UNC13C: variants seen among roughly 807,000 people sequenced by gnomAD.
The protein encoded by UNC13C is unc-13 homolog C, also known as protein unc-13 homolog C.
A neutral mutation model predicts 245.4 loss-of-function variants in UNC13C; 174 were observed. The observed-to-expected ratio is 0.71, with a 90% confidence interval of 0.63 to 0.80. The LOEUF (loss-of-function observed/expected upper bound fraction) is 0.80, where lower values mean the gene tolerates loss of function less well. Ranked by LOEUF, UNC13C falls within the 30% of genes least tolerant of loss-of-function variation. UNC13C has a pLI of 0.00. For missense variants in UNC13C, 2,829 were observed against 2,602.9 expected (o/e 1.09, Z -1.89); for synonymous variants, 992 against 895.1 (o/e 1.11, Z -1.93).
chr15:54,525,781 T>C, intron 25 of UNC13C, 144 bp downstream of exon 25: 1 of 697,504 alleles, frequency 1.4e-6, no homozygotes, highest in Non-Finnish European at 2.4e-6. Flanking sequence ...CTGAAACATC[T>C]GTTATGACCC....
rs571232887 is a variant in UNC13C, at chr15:54,293,508, C to T, written c.3819-387C>T. ...CTGTGAAGTCCACATTCTCAACACCCATTGCAATAAAATTAGCTTTATTTT... is the reference window on the plus strand; with the variant it reads ...CTGTGAAGTCCACATTCTCAACACCTATTGCAATAAAATTAGCTTTATTTT... On this transcript the variant is annotated intron_variant, in intron 10 of 32. Transcript: ENST00000260323. 3.3e-5 allele frequency among the ~76,000 whole-genome samples: 5 copies of T among 152,046 alleles called. No homozygotes were observed. In the South Asian group the frequency reaches 1.0e-3, roughly 32 times the overall value.
At chr15:54,073,807 A>G (rs1898453504) in intron 2 of UNC13C, among the ~76,000 whole-genome samples, 1 of 152,040 alleles carries the variant, frequency 6.6e-6, no homozygotes, top group Non-Finnish European at 1.5e-5. Context: ...GATTGCCAAA[A>G]TTTTCTCCCA....
chr15:54,059,428 A>G (rs76036430), intron 2 of UNC13C, among the ~76,000 whole-genome samples: 55,652 of 152,060 alleles, frequency 0.37, 12,517 homozygotes, highest in Middle Eastern at 0.52. Context: ...GACCTCTTCA[A>G]GGAGAACTAC....
intron 17 of UNC13C, among the ~76,000 whole-genome samples, chr15:54,388,925 C>T (rs548800719): frequency 1.3e-5 from 2 of 152,182 alleles, no homozygotes; most frequent in Non-Finnish European, 2.9e-5. Context: ...CTCTTTCTCA[C>T]CCATTAGTCA....
At chr15:53,876,036 T>C in the UNC13C span, among the ~76,000 whole-genome samples, 4 of 152,236 alleles carry the variant, frequency 2.6e-5, no homozygotes, top group African/African-American at 9.6e-5. Context: ...TTGTTTGGTT[T>C]TGTTCCCACG....
chr15:54,620,262 AAAACACACACACAGGTAGGGTGTAT>A (rs1287812063), intron 30 of UNC13C, among the ~76,000 whole-genome samples: 1 of 152,158 alleles, frequency 6.6e-6, no homozygotes, highest in African/African-American at 2.4e-5. Context: ...AACTGATTGA[AAAACACACACACAGGTAGGGTGTAT>A]AAATGGAAGA....
the UNC13C span, among the ~76,000 whole-genome samples, chr15:53,944,810 GA>G: frequency 6.6e-6 from 1 of 152,130 alleles, no homozygotes; most frequent in Non-Finnish European, 1.5e-5. Context: ...GGTCAAATGA[GA>G]GTTCTGTTTA....
chr15:53,900,211 T>C, the UNC13C span, among the ~76,000 whole-genome samples: 32,081 of 152,024 alleles, frequency 0.21, 3,582 homozygotes, highest in Non-Finnish European at 0.24. Context: ...TTTTTTAGTA[T>C]TAAAATATAG....
Position 54,333,752 on chromosome 15 carries a change from T to G in UNC13C, c.4495-15T>G. 1.3e-6 allele frequency: 2 copies of G among 1,575,612 alleles called. No individual in the cohort carries two copies. Among genetic ancestry groups the G allele is most frequent in the East Asian group, 4.5e-5 (2 of 44,106 alleles). ...CTGCTGACAACCTTATCCATTTTGT[T>G]TCCTAATTAACCAGGAAAACTTTCC... On this transcript the variant is annotated splice_polypyrimidine_tract_variant and intron_variant, in intron 15 of 32. Transcript: ENST00000260323.
intron 30 of UNC13C, among the ~76,000 whole-genome samples, chr15:54,589,465 A>T (rs1264353574): frequency 6.6e-6 from 1 of 150,690 alleles, no homozygotes; most frequent in Non-Finnish European, 1.5e-5. Flanking sequence ...TGCCCAGTTA[A>T]TTTTTGTATT....
chr15:54,143,740 G>C (rs1013045055), intron 4 of UNC13C, 56 bp downstream of exon 4: 5 of 1,366,472 alleles, frequency 3.7e-6, no homozygotes, highest in Non-Finnish European at 5.2e-6. Context: ...ACTTGGCTGT[G>C]TTCTCAACAT....
intron 19 of UNC13C, among the ~76,000 whole-genome samples, chr15:54,435,599 G>T (rs560035272): frequency 6.6e-6 from 1 of 150,834 alleles, no homozygotes; most frequent in Non-Finnish European, 1.5e-5. Flanking sequence ...GGGGGACTAG[G>T]GGAGGGGTAA....
At chr15:53,922,163 C>T in the UNC13C span, among the ~76,000 whole-genome samples, 433 of 152,204 alleles carry the variant, frequency 2.8e-3, 1 homozygote, top group African/African-American at 9.0e-3. Flanking sequence ...AATGGGTTTG[C>T]GAGCTGTGTT....
At chr15:53,950,356 C>G in the UNC13C span, among the ~76,000 whole-genome samples, 2 of 151,860 alleles carry the variant, frequency 1.3e-5, no homozygotes, top group African/African-American at 2.4e-5. Context: ...TTTATTTTTT[C>G]TTAAATAAGT....
At chr15:53,996,057 A>T (rs1388867785) in intron 1 of UNC13C, among the ~76,000 whole-genome samples, 1 of 152,216 alleles carries the variant, frequency 6.6e-6, no homozygotes, top group Non-Finnish European at 1.5e-5. Flanking sequence ...GTGGACCAGT[A>T]GGGAAAAGAG....
At chr15:54,603,622 G>C (rs1899578830) in intron 30 of UNC13C, among the ~76,000 whole-genome samples, 1 of 152,132 alleles carries the variant, frequency 6.6e-6, no homozygotes, top group Admixed American at 6.5e-5. Flanking sequence ...AACACTTTAG[G>C]AGGCCAAGGC....
chr15:54,079,201 T>G (rs1898801684), intron 2 of UNC13C, among the ~76,000 whole-genome samples: 1 of 152,172 alleles, frequency 6.6e-6, no homozygotes, highest in South Asian at 2.1e-4. Context: ...CGATGTTCCT[T>G]TGGTTACCAT....
At position 54,284,146 on chromosome 15, in the gene UNC13C, A is replaced by T. The variant is rs564138811; in HGVS notation, c.3819-9749A>T. Among the ~76,000 whole-genome samples the T allele has an allele frequency of 2.0e-5, 3 of 152,316 alleles. No homozygotes were observed. In the East Asian group the frequency reaches 5.8e-4, roughly 29 times the overall value. On this transcript the variant is annotated intron_variant, in intron 10 of 32. Coordinates refer to ENST00000260323, the MANE Select transcript of UNC13C (RefSeq NM_001080534.3). ...GGACGGGTAAATTTTTAGAAAGAACACATATCGCCACTTAAATAAAAGTCA... is the reference window on the plus strand; with the variant it reads ...GGACGGGTAAATTTTTAGAAAGAACTCATATCGCCACTTAAATAAAAGTCA...
At chr15:53,854,122 G>GTTTTTTTTTTTTTTTTTTTTTTTT in the UNC13C span, among the ~76,000 whole-genome samples, 1 of 133,578 alleles carries the variant, frequency 7.5e-6, no homozygotes, top group African/African-American at 2.8e-5. Flanking sequence ...GTTTTTATAG[G>GTTTTTTTTTTTTTTTTTTTTTTTT]TTTTTTTTTT....
Sources: gnomAD v4.1 joint callset for allele counts (sites outside exome capture counted in the v4.1 genomes callset) on GRCh38, gnomAD v4.1.1 for gene constraint, MANE v1.5 for transcripts, NCBI Gene and HGNC (gene_info 2026-07-23, HGNC 2026-07-21) for gene names.